Variants in UTP25 observed in about 807,000 individuals in gnomAD.
UTP25 encodes the protein UTP25 small subunit processome component, also known as U3 small nucleolar RNA-associated protein 25 homolog.
Under a neutral mutation model 78.9 loss-of-function variants are expected in UTP25, and 50 were observed. The observed-to-expected ratio is 0.63, with a 90% CI of 0.50 to 0.80. The LOEUF (loss-of-function observed/expected upper bound fraction) is 0.80, where lower values mean the gene tolerates loss of function less well. Among genes scored for constraint, UTP25 ranks in the 30% least tolerant of loss-of-function variants. The probability of loss-of-function intolerance (pLI) is 0.00; values close to 1 mark genes in which losing one functional copy is unlikely to be tolerated. For missense variants in UTP25, 846 were observed against 911.3 expected (o/e 0.93, Z 0.92); for synonymous variants, 329 against 336.5 (o/e 0.98, Z 0.24).
chr1:209,842,513 G>T, intron 9 of UTP25, 66 bp downstream of exon 9: 1 of 1,611,380 alleles, frequency 6.2e-7, no homozygotes, highest in Non-Finnish European at 8.5e-7. Flanking sequence ...TCCTGAGGTA[G>T]AAGGAGGCGA....
chr1:209,842,386 C>T lies in UTP25; in HGVS notation c.1607C>T (p.Ala536Val). 6.2e-7 allele frequency: 1 copy of T among 1,614,110 alleles called. No homozygotes were observed. Among genetic ancestry groups the T allele is most frequent in the Non-Finnish European group, 8.5e-7 (1 of 1,179,986 alleles). Residue 536 changes from alanine to valine, a missense_variant, in exon 9 of 12, where the codon GCC becomes GTC. Coordinates refer to ENST00000491415, the MANE Select transcript of UTP25 (RefSeq NM_014388.7). ...KYYRQTLLFG[A>V]LQDAQINSVF... ...TATCGCCAGACACTGCTATTTGGGG[C>T]CCTTCAGGATGCCCAGATCAACTCA...
chr1:209,836,865 C>A lies in UTP25; in HGVS notation c.716C>A (p.Pro239Gln), dbSNP rs1335936325. 2 of 1,613,934 alleles carry A rather than the reference C, an allele frequency of 1.2e-6. No homozygotes were observed. The highest frequency in any genetic ancestry group is 1.7e-6 in the Non-Finnish European group (2 of 1,179,990). The change falls in exon 6 of 12, where the codon CCA (proline) becomes CAA (glutamine). Residue 239 changes from proline (P) to glutamine (Q), a missense_variant. By Grantham distance (76) the Pro-to-Gln change is moderately conservative. Coordinates refer to ENST00000491415, the MANE Select transcript of UTP25 (RefSeq NM_014388.7). Reference protein sequence around the residue: ...KFQKLETFKPPKDIDLKSLHL... With the variant: ...KFQKLETFKPQKDIDLKSLHL... Reference sequence around the variant, plus strand: ...CAGAAGTTGGAAACATTTAAACCCCCAAAGGATATTGACTTAAAGTCACTT... The same window carrying A: ...CAGAAGTTGGAAACATTTAAACCCCAAAAGGATATTGACTTAAAGTCACTT...
rs1232118236 is a variant in UTP25, at chr1:209,836,916, C to T, written c.767C>T (p.Thr256Ile). Reference protein sequence around the residue: ...SLHLQKPLESTWTKTNSQFLS... With the variant: ...SLHLQKPLESIWTKTNSQFLS... Reference sequence around the variant, plus strand: ...CATCTCCAGAAGCCTCTGGAATCCACCTGGACTAAGACCAACAGCCAGTTC... The same window carrying T: ...CATCTCCAGAAGCCTCTGGAATCCATCTGGACTAAGACCAACAGCCAGTTC... Residue 256 changes from threonine (T) to isoleucine (I), a missense_variant, in exon 6 of 12, where the codon ACC becomes ATC. By Grantham distance (89) the Thr-to-Ile change is moderately conservative. Coordinates refer to ENST00000491415, the MANE Select transcript of UTP25 (RefSeq NM_014388.7). 10 of 1,614,018 alleles carry T rather than the reference C, an allele frequency of 6.2e-6. No homozygotes were observed. The East Asian group carries it at 2.2e-4, about 36-fold the overall frequency.
chr1:209,834,262 T>G (rs1201161631), intron 4 of UTP25, among the ~76,000 whole-genome samples: 1 of 152,238 alleles, frequency 6.6e-6, no homozygotes, highest in African/African-American at 2.4e-5. Context: ...CTCTTAGATA[T>G]TTAATACAAG....
At chr1:209,846,900 T>A (rs1261353318) in intron 11 of UTP25, among the ~76,000 whole-genome samples, 1 of 152,242 alleles carries the variant, frequency 6.6e-6, no homozygotes, top group Non-Finnish European at 1.5e-5. Context: ...TGTGAGGGTA[T>A]TTCACAGTTA....
rs2078246960 is a variant in UTP25, at chr1:209,852,471, C to T, written c.*1024C>T. 3 of 152,194 alleles carry T rather than the reference C, an allele frequency of 2.0e-5. No individual in the cohort carries two copies. The highest frequency in any genetic ancestry group is 2.0e-4 in the Admixed American group (3 of 15,278). 9.4% of individuals were successfully genotyped at this position (152,194 alleles called of 1,614,324 possible). A position where few individuals can be genotyped will look rare whatever the true frequency, so the allele number is the denominator to read the frequency against. ...TCAGATAAGAGATATTCAACTCATC[C>T]TAGTATGGACTCGTAGTTTCTTCTT... On this transcript the variant is annotated 3_prime_UTR_variant, in exon 12 of 12. Transcript: ENST00000491415.
At chr1:209,841,686 C>T (rs1426719854) in intron 8 of UTP25, among the ~76,000 whole-genome samples, 2 of 152,164 alleles carry the variant, frequency 1.3e-5, no homozygotes, top group Admixed American at 6.5e-5. Context: ...CCTTCTACAA[C>T]CCCATGTCTT....
chr1:209,846,294 G>C (rs2078196474), intron 11 of UTP25, among the ~76,000 whole-genome samples: 1 of 152,158 alleles, frequency 6.6e-6, no homozygotes, highest in Non-Finnish European at 1.5e-5. Flanking sequence ...GTTTTATGTG[G>C]GGAAGATTAA....
At chr1:209,846,747 C>T (rs1405530595) in intron 11 of UTP25, among the ~76,000 whole-genome samples, 2 of 152,184 alleles carry the variant, frequency 1.3e-5, no homozygotes, top group East Asian at 1.9e-4. Flanking sequence ...CCACTAACTG[C>T]CCCTTGGAAG....
chr1:209,854,355 T>A lies in UTP25; in HGVS notation c.*2908T>A, dbSNP rs1164878153. The A allele has an allele frequency of 6.6e-6, 1 of 152,208 alleles. No homozygotes were observed. The highest frequency in any genetic ancestry group is 2.4e-5 in the African/African-American group (1 of 41,462). The allele number at this position is 152,208 out of a possible 1,614,324, so 9.4% of individuals were successfully genotyped here. The stretch of plus-strand genomic sequence containing the variant: ...AGAAAAAGCTTTGAATCGTGGATGC[T>A]TCTCACAGCTGGCTGCACCACGTGC... On this transcript the variant is annotated 3_prime_UTR_variant, in exon 12 of 12. Transcript: ENST00000491415.
intron 11 of UTP25, among the ~76,000 whole-genome samples, chr1:209,845,841 C>CT (rs1305194946): frequency 6.9e-4 from 100 of 143,928 alleles, no homozygotes; most frequent in African/African-American, 2.4e-3. Context: ...AGAATAAGTA[C>CT]TTTTTTTTTC....
At chr1:209,831,323 G>C (rs1045173220) in intron 3 of UTP25, among the ~76,000 whole-genome samples, 2 of 152,208 alleles carry the variant, frequency 1.3e-5, no homozygotes, top group African/African-American at 4.8e-5. Flanking sequence ...ACACAGTTCT[G>C]TCTTTGTGAC....
Position 209,840,970 on chromosome 1 carries a change from G to C in UTP25, c.1400G>C (p.Arg467Thr), listed in dbSNP as rs1401548666. ...TIIGGEGEKK[R>T]DFDFLSSIEL... The stretch of plus-strand genomic sequence containing the variant: ...ATTGGTGGAGAAGGAGAGAAGAAGA[G>C]AGATTTTGACTTTCTGTCTTCTATC... Residue 467 changes from arginine to threonine, a missense_variant, in exon 8 of 12, where the codon AGA becomes ACA. By Grantham distance (71) the Arg-to-Thr change is moderately conservative (BLOSUM62 -1). Transcript: ENST00000491415. 4 of 1,614,084 alleles carry C rather than the reference G, an allele frequency of 2.5e-6. No individual in the cohort carries two copies. Among genetic ancestry groups the C allele is most frequent in the South Asian group, 1.1e-5 (1 of 91,074 alleles).
In UTP25 at chr1:209,848,583, C is replaced by T. The variant is rs150723401; in HGVS notation, c.2028-2621C>T. 7.9e-5 allele frequency among the ~76,000 whole-genome samples: 12 copies of T among 152,252 alleles called. No individual in the cohort carries two copies. In the East Asian group the frequency reaches 1.7e-3, roughly 22 times the overall value. ...TGGGATAGATTTTGAAAGGAAAACT[C>T]GTTAGCACAGAGGCTGTACACAGTT... On this transcript the variant is annotated intron_variant, in intron 11 of 11. Transcript: ENST00000491415.
chr1:209,843,482 C>T lies in UTP25; in HGVS notation c.1813C>T (p.Gln605Ter). ...FNFFVNKILPQYRDAVMSHTL... is the reference protein window; with the variant it reads ...FNFFVNKILP ...CTTTTTTGTGAACAAGATTTTGCCACAGTATCGTGATGCAGTCATGTCTCA... is the reference window on the plus strand; with the variant it reads ...CTTTTTTGTGAACAAGATTTTGCCATAGTATCGTGATGCAGTCATGTCTCA... Residue 605 changes from glutamine to a stop codon, truncating the protein, a stop_gained, in exon 11 of 12, where the codon CAG (glutamine) becomes TAG (stop). Coordinates refer to ENST00000491415, the MANE Select transcript of UTP25 (RefSeq NM_014388.7). LOFTEE classifies it high-confidence loss of function. The T allele has an allele frequency of 6.2e-7, 1 of 1,614,106 alleles. No individual in the cohort carries two copies. The highest frequency in any genetic ancestry group is 8.5e-7 in the Non-Finnish European group (1 of 1,179,994).
Position 209,851,430 on chromosome 1 carries a change from A to G in UTP25, c.2254A>G (p.Ile752Val), listed in dbSNP as rs767833014. ...LQSNKNVHLF[I>V]TGEK ...GTCCAACAAGAATGTCCACCTCTTC[A>G]TTACTGGAGAAAAATGAAATTTTGT... The change falls in exon 12 of 12, where the codon ATT becomes GTT. Residue 752 changes from isoleucine to valine, a missense_variant. By Grantham distance (29) the Ile-to-Val change is conservative (BLOSUM62 3). Transcript: ENST00000491415. The G allele has an allele frequency of 4.4e-6, 7 of 1,604,244 alleles. No homozygotes were observed. The highest frequency in any genetic ancestry group is 2.2e-5 in the South Asian group (2 of 89,466).
At chr1:209,836,154 TG>T (rs1488605096) in intron 5 of UTP25, among the ~76,000 whole-genome samples, 16 of 152,274 alleles carry the variant, frequency 1.1e-4, no homozygotes, top group African/African-American at 3.6e-4. Flanking sequence ...CTTTTGAGAT[TG>T]TTTTTTTTTC....
intron 3 of UTP25, 71 bp downstream of exon 3, chr1:209,831,114 C>T: frequency 6.7e-7 from 1 of 1,500,108 alleles, no homozygotes; most frequent in South Asian, 1.2e-5. Flanking sequence ...AGCATGGTAC[C>T]TTATATACTG....
Position 209,842,564 on chromosome 1 carries a change from T to A in UTP25, c.1669-19T>A. The A allele has an allele frequency of 6.2e-7, 1 of 1,613,362 alleles. No homozygotes were observed. Among genetic ancestry groups the A allele is most frequent in the Non-Finnish European group, 8.5e-7 (1 of 1,179,424 alleles). Reference sequence around the variant, plus strand: ...AAGGGGATGGCTGTCCACCTAACGCTCTTGTTGACTACTGGCAGGTGGCCG... The same window carrying A: ...AAGGGGATGGCTGTCCACCTAACGCACTTGTTGACTACTGGCAGGTGGCCG... On this transcript the variant is annotated intron_variant, in intron 9 of 11. Transcript: ENST00000491415.
Sources: gnomAD v4.1 joint callset for allele counts (sites outside exome capture counted in the v4.1 genomes callset) on GRCh38, gnomAD v4.1.1 for gene constraint, MANE v1.5 for transcripts, NCBI Gene and HGNC (gene_info 2026-07-23, HGNC 2026-07-21) for gene names.